GALNT17: variants seen among roughly 807,000 people sequenced by gnomAD.
GALNT17 encodes the protein UDP-GalNAc:polypeptide N-acetylgalactosaminyltransferase-like 3.
Under a neutral mutation model 63.7 loss-of-function variants are expected in GALNT17, and 29 were observed. The observed-to-expected ratio is 0.46, with a 90% CI of 0.34 to 0.62. The LOEUF (loss-of-function observed/expected upper bound fraction) is 0.62. GALNT17 is among the 20% of genes least tolerant of loss of function. The probability of loss-of-function intolerance (pLI) is 0.01; values close to 1 mark genes in which losing one functional copy is unlikely to be tolerated. For synonymous variants in GALNT17, 305 were observed against 318.3 expected, an observed-to-expected ratio of 0.96 and a Z score of 0.45; for missense variants, 603 against 799.6, an observed-to-expected ratio of 0.75 and a Z score of 2.97.
At chr7:71,400,344 T>C (rs1306259478) in intron 3 of GALNT17, among the ~76,000 whole-genome samples, 1 of 152,222 alleles carries the variant, frequency 6.6e-6, no homozygotes, top group East Asian at 1.9e-4. Flanking sequence ...TTTTTATGGC[T>C]TCATAGTATT....
intron 2 of GALNT17, among the ~76,000 whole-genome samples, chr7:71,363,593 G>A (rs1036895049): frequency 1.3e-5 from 2 of 152,152 alleles, no homozygotes; most frequent in Non-Finnish European, 2.9e-5. Flanking sequence ...TTCATTCTCC[G>A]ACTTCAAAAC....
intron 6 of GALNT17, among the ~76,000 whole-genome samples, chr7:71,663,925 T>A (rs1790944644): frequency 6.6e-6 from 1 of 152,210 alleles, no homozygotes; most frequent in South Asian, 2.1e-4. Context: ...TACAGTGTCT[T>A]CACAGCAGAA....
At chr7:71,495,146 C>T (rs906903505) in intron 5 of GALNT17, among the ~76,000 whole-genome samples, 1 of 152,078 alleles carries the variant, frequency 6.6e-6, no homozygotes, top group Non-Finnish European at 1.5e-5. Flanking sequence ...CATGGTGGTG[C>T]ACACCTGTAG....
intron 6 of GALNT17, among the ~76,000 whole-genome samples, chr7:71,615,004 C>T (rs1047463269): frequency 6.6e-6 from 1 of 152,148 alleles, no homozygotes; most frequent in Non-Finnish European, 1.5e-5. Context: ...ATTTCTAGTG[C>T]TCCTCAAGAA....
intron 2 of GALNT17, among the ~76,000 whole-genome samples, chr7:71,377,118 T>A (rs190381337): frequency 0.09 from 5,486 of 60,620 alleles, 791 homozygotes; most frequent in Middle Eastern, 0.21. Context: ...AAAAAAAATA[T>A]ATATATATAT....
intron 1 of GALNT17, among the ~76,000 whole-genome samples, chr7:71,281,402 G>A (rs1363379038): frequency 6.6e-6 from 1 of 152,190 alleles, no homozygotes; most frequent in Non-Finnish European, 1.5e-5. Context: ...TTCAACTCAT[G>A]TGCAGACAGG....
chr7:71,158,963 A>C (rs1195867549), intron 1 of GALNT17, among the ~76,000 whole-genome samples: 2 of 151,822 alleles, frequency 1.3e-5, no homozygotes, highest in Non-Finnish European at 2.9e-5. Context: ...CTGGTAGTAC[A>C]ATTTTTATAT....
intron 5 of GALNT17, among the ~76,000 whole-genome samples, chr7:71,544,874 A>G (rs951937150): frequency 6.6e-6 from 1 of 150,748 alleles, no homozygotes; most frequent in Non-Finnish European, 1.5e-5. Flanking sequence ...CATCTGTAAG[A>G]TAAGTAATTT....
chr7:71,447,778 A>G (rs1435210647), intron 5 of GALNT17, among the ~76,000 whole-genome samples: 1 of 151,938 alleles, frequency 6.6e-6, no homozygotes, highest in Non-Finnish European at 1.5e-5. Context: ...TTTGTTTTCT[A>G]TATACTGTTA....
chr7:71,326,019 G>A (rs897009139), intron 1 of GALNT17, among the ~76,000 whole-genome samples: 5 of 152,096 alleles, frequency 3.3e-5, no homozygotes, highest in Non-Finnish European at 5.9e-5. Flanking sequence ...CTTAATATCA[G>A]AGAAGGCTAC....
chr7:71,520,071 A>G (rs906550091), intron 5 of GALNT17, among the ~76,000 whole-genome samples: 7 of 152,152 alleles, frequency 4.6e-5, no homozygotes, highest in Middle Eastern at 3.2e-3. Flanking sequence ...CCAGCCCTCA[A>G]AGAGCTCACA....
chr7:71,347,716 G>C (rs1208875517), intron 2 of GALNT17, among the ~76,000 whole-genome samples: 2 of 152,008 alleles, frequency 1.3e-5, no homozygotes, highest in Non-Finnish European at 1.5e-5. Context: ...CCTTCATAAG[G>C]TTCTTCCCAG....
intron 4 of GALNT17, among the ~76,000 whole-genome samples, chr7:71,419,497 C>T (rs967820011): frequency 2.6e-5 from 4 of 152,170 alleles, no homozygotes; most frequent in South Asian, 2.1e-4. Flanking sequence ...AAAAATAATT[C>T]GTGTTCAGAG....
At chr7:71,377,517 A>T (rs1244474402) in intron 2 of GALNT17, among the ~76,000 whole-genome samples, 2 of 152,100 alleles carry the variant, frequency 1.3e-5, no homozygotes, top group African/African-American at 4.8e-5. Context: ...GGGTGTGTAG[A>T]CTGAGTTCAT....
chr7:71,265,056 A>G (rs1236359351), intron 1 of GALNT17, among the ~76,000 whole-genome samples: 5 of 143,218 alleles, frequency 3.5e-5, no homozygotes, highest in Non-Finnish European at 7.5e-5. Flanking sequence ...ATCATGACAC[A>G]TTTGATGCAT....
intron 3 of GALNT17, among the ~76,000 whole-genome samples, chr7:71,413,537 T>G (rs1290803633): frequency 1.6e-5 from 1 of 60,990 alleles, no homozygotes; most frequent in Non-Finnish European, 3.4e-5. Flanking sequence ...AGCTATTATT[T>G]TTTGTATTTT....
At position 71,292,664 on chromosome 7, in the gene GALNT17, A is replaced by AGTGT. The variant is rs1219231382; in HGVS notation, c.239-42885_239-42884insTGTG. On this transcript the variant is annotated intron_variant, in intron 1 of 10. Transcript: ENST00000333538. ...GAGAGAGAGAGAGACAGAGAGAGAG[A>AGTGT]GAGAGTGTGTGTGTGTGTGTGTGTG... Among the ~76,000 whole-genome samples the AGTGT allele has an allele frequency of 7.0e-5, 8 of 114,250 alleles. No individual in the cohort carries two copies. In the East Asian group the frequency reaches 1.0e-3, roughly 15 times the overall value. 75.0% of individuals were successfully genotyped at this position (114,250 alleles called of 152,430 possible).
At chr7:71,582,223 T>C (rs936271476) in intron 6 of GALNT17, among the ~76,000 whole-genome samples, 9 of 151,906 alleles carry the variant, frequency 5.9e-5, no homozygotes, top group African/African-American at 2.2e-4. Context: ...AGCAGCACAA[T>C]TCGTAATTGC....
chr7:71,160,238 T>A (rs768700766), intron 1 of GALNT17, among the ~76,000 whole-genome samples: 18 of 152,252 alleles, frequency 1.2e-4, no homozygotes, highest in Non-Finnish European at 2.6e-4. Flanking sequence ...TTTAAGATCA[T>A]ACTCATGTAT....
Sources: allele counts gnomAD v4.1 joint callset (sites outside exome capture counted in the v4.1 genomes callset), GRCh38; gene constraint gnomAD v4.1.1; transcripts MANE v1.5; gene names NCBI Gene and HGNC (gene_info 2026-07-23, HGNC 2026-07-21).